LHFPL6: variants seen among roughly 807,000 people sequenced by gnomAD.
LHFPL6 encodes the protein LHFPL tetraspan subfamily member 6.
A neutral mutation model predicts 20.6 loss-of-function variants in LHFPL6; 9 were observed. The ratio of observed to expected loss-of-function variants is 0.44; its 90% CI spans 0.26 to 0.76. The LOEUF is 0.76. Ranked by LOEUF, LHFPL6 falls within the 30% of genes least tolerant of loss-of-function variation. The probability of loss-of-function intolerance (pLI) is 0.20; values close to 1 mark genes in which losing one functional copy is unlikely to be tolerated. For synonymous variants in LHFPL6, 105 were observed against 98.7 expected (o/e 1.06, Z -0.38); for missense variants, 218 against 253.5 (o/e 0.86, Z 0.95).
intron 2 of LHFPL6, among the ~76,000 whole-genome samples, chr13:39,447,275 C>T (rs1357490848): frequency 6.6e-6 from 1 of 151,942 alleles, no homozygotes; most frequent in Non-Finnish European, 1.5e-5. Context: ...CTTGAGTGTC[C>T]CCAAATAGAT....
intron 2 of LHFPL6, among the ~76,000 whole-genome samples, chr13:39,449,662 G>A (rs1285045465): frequency 1.3e-5 from 2 of 152,010 alleles, no homozygotes; most frequent in African/African-American, 4.8e-5. Context: ...AAGATATACA[G>A]ATTGAGCCAA....
intron 2 of LHFPL6, among the ~76,000 whole-genome samples, chr13:39,597,915 T>A (rs893132833): frequency 6.6e-6 from 1 of 152,256 alleles, no homozygotes; most frequent in Non-Finnish European, 1.5e-5. Context: ...CCTGATGTTA[T>A]ACCATATGTA....
chr13:39,467,923 T>C (rs1418888571), intron 2 of LHFPL6, among the ~76,000 whole-genome samples: 1 of 152,192 alleles, frequency 6.6e-6, no homozygotes, highest in East Asian at 1.9e-4. Context: ...CCGTGATTTT[T>C]CCCCTGTGCA....
chr13:39,600,897 C>T lies in LHFPL6; in HGVS notation c.320G>A (p.Cys107Tyr). The T allele has an allele frequency of 1.3e-6, 2 of 1,563,484 alleles. No homozygotes were observed. The highest frequency in any genetic ancestry group is 1.7e-6 in the Non-Finnish European group (2 of 1,152,808). ...LLVALTALMG[C>Y]CVSDLISRTV... is the part of the protein sequence containing the mutation. Reference sequence around the variant, plus strand: ...CCTGGAGATGAGGTCGGAAACACAGCAACCCATGAGGGCAGTGAGCGCCAC... The same window carrying T: ...CCTGGAGATGAGGTCGGAAACACAGTAACCCATGAGGGCAGTGAGCGCCAC... The change falls in exon 2 of 4, where the codon TGC becomes TAC. Residue 107 changes from cysteine to tyrosine, a missense_variant. Transcript: ENST00000379589.
intron 2 of LHFPL6, among the ~76,000 whole-genome samples, chr13:39,428,825 A>T (rs1264617510): frequency 6.6e-6 from 1 of 152,156 alleles, no homozygotes; most frequent in Non-Finnish European, 1.5e-5. Context: ...TTTCCCTCTA[A>T]ATATTGCTCT....
chr13:39,411,366 T>C (rs1871238410), intron 2 of LHFPL6, among the ~76,000 whole-genome samples: 1 of 152,336 alleles, frequency 6.6e-6, no homozygotes, highest in East Asian at 1.9e-4. Context: ...TCTAAAGACA[T>C]TCTTCCCTTT....
chr13:39,365,517 C>T (rs571723089), intron 3 of LHFPL6, among the ~76,000 whole-genome samples: 44 of 152,294 alleles, frequency 2.9e-4, no homozygotes, highest in Middle Eastern at 6.8e-3. Flanking sequence ...CCTTGAGACT[C>T]TTTTTGGTAA....
intron 2 of LHFPL6, among the ~76,000 whole-genome samples, chr13:39,439,682 T>C (rs908369028): frequency 6.6e-6 from 1 of 152,128 alleles, no homozygotes; most frequent in Non-Finnish European, 1.5e-5. Context: ...ACCATCCCCG[T>C]TGGTGCTGTT....
chr13:39,380,220 A>T (rs1437443461), intron 2 of LHFPL6, among the ~76,000 whole-genome samples: 1 of 152,224 alleles, frequency 6.6e-6, no homozygotes, highest in East Asian at 1.9e-4. Flanking sequence ...AATAGGTAGC[A>T]CCACTTTCTG....
At chr13:39,562,581 CACATATATACATATAT>C (rs1293098006) in intron 2 of LHFPL6, among the ~76,000 whole-genome samples, 1 of 127,492 alleles carries the variant, frequency 7.8e-6, no homozygotes, top group Non-Finnish European at 1.7e-5. Context: ...TACATATATA[CACATATATACATATAT>C]ACACATATAC....
chr13:39,491,421 A>G (rs889962942), intron 2 of LHFPL6, among the ~76,000 whole-genome samples: 1 of 152,206 alleles, frequency 6.6e-6, no homozygotes, highest in Non-Finnish European at 1.5e-5. Flanking sequence ...GGCCTGAAAG[A>G]GAGTGGAAAA....
chr13:39,445,001 G>A (rs533474566), intron 2 of LHFPL6, among the ~76,000 whole-genome samples: 1 of 152,276 alleles, frequency 6.6e-6, no homozygotes, highest in Admixed American at 6.5e-5. Flanking sequence ...TTATTAATTG[G>A]GTTAATGTCA....
At chr13:39,567,784 C>T (rs995376122) in intron 2 of LHFPL6, among the ~76,000 whole-genome samples, 1 of 152,184 alleles carries the variant, frequency 6.6e-6, no homozygotes, top group Admixed American at 6.5e-5. Flanking sequence ...TAAATGCTGC[C>T]CACAGCCTAT....
chr13:39,345,959 CT>C (rs1473238403), intron 3 of LHFPL6, among the ~76,000 whole-genome samples: 1 of 152,184 alleles, frequency 6.6e-6, no homozygotes, highest in Non-Finnish European at 1.5e-5. Context: ...TTCCTCACCT[CT>C]TTTCTCAGCC....
intron 2 of LHFPL6, among the ~76,000 whole-genome samples, chr13:39,502,491 C>T (rs1433050763): frequency 1.3e-5 from 2 of 150,880 alleles, no homozygotes; most frequent in South Asian, 2.1e-4. Flanking sequence ...GGCATGGTGG[C>T]GCGCCTGTGG....
chr13:39,357,083 G>A (rs1869745469), intron 3 of LHFPL6, among the ~76,000 whole-genome samples: 1 of 152,092 alleles, frequency 6.6e-6, no homozygotes, highest in African/African-American at 2.4e-5. Flanking sequence ...GAGGTGACAG[G>A]ATGGCTTGAA....
intron 3 of LHFPL6, among the ~76,000 whole-genome samples, chr13:39,372,276 G>T (rs1054358960): frequency 6.6e-6 from 1 of 152,208 alleles, no homozygotes; most frequent in Admixed American, 6.5e-5. Flanking sequence ...AGCCAGACTT[G>T]TATAACCTAA....
intron 2 of LHFPL6, among the ~76,000 whole-genome samples, chr13:39,588,676 T>A (rs1042065139): frequency 1.3e-5 from 2 of 152,232 alleles, no homozygotes; most frequent in African/African-American, 4.8e-5. Context: ...TATCTTCACA[T>A]TGGTAGCATT....
intron 2 of LHFPL6, among the ~76,000 whole-genome samples, chr13:39,482,693 T>A (rs930123547): frequency 1.3e-5 from 2 of 152,116 alleles, no homozygotes; most frequent in Non-Finnish European, 2.9e-5. Context: ...AATGGCAGTT[T>A]TAGGAGAATG....
Sources: gnomAD v4.1 joint callset for allele counts (sites outside exome capture counted in the v4.1 genomes callset) on GRCh38, gnomAD v4.1.1 for gene constraint, MANE v1.5 for transcripts, NCBI Gene and HGNC (gene_info 2026-07-23, HGNC 2026-07-21) for gene names.